Variants in VIT observed in about 807,000 individuals in gnomAD.
VIT encodes the protein vitrin.
A neutral mutation model predicts 78.0 loss-of-function variants in VIT; 99 were observed. That is an observed-to-expected ratio of 1.27 (90% CI 1.08 to 1.50). The LOEUF (loss-of-function observed/expected upper bound fraction) is 1.50. Among genes scored for constraint, VIT ranks in the 40% most tolerant of loss-of-function variants. VIT has a pLI of 0.00. For synonymous variants in VIT, 374 were observed against 334.3 expected (o/e 1.12, Z -1.29); for missense variants, 1,126 against 875.3 (o/e 1.29, Z -3.61).
intron 3 of VIT, among the ~76,000 whole-genome samples, chr2:36,732,197 G>C (rs932241174): frequency 6.6e-6 from 1 of 152,180 alleles, no homozygotes; most frequent in Non-Finnish European, 1.5e-5. Context: ...ATCACGAAAG[G>C]TTCCATGATT....
At position 36,722,119 on chromosome 2, in the gene VIT, T is replaced by C. The variant is rs1297763948; in HGVS notation, c.52+5697T>C. Among the ~76,000 whole-genome samples the C allele has an allele frequency of 2.0e-5, 3 of 152,380 alleles. No homozygotes were observed. In the South Asian group the frequency reaches 6.2e-4, roughly 32 times the overall value. ...CTCTAAATTAATGTCAATTAAGTGT[T>C]TAATGTGTTTAATTAATATATTTAA... is the stretch of plus-strand genomic sequence containing the variant. On this transcript the variant is annotated intron_variant, in intron 2 of 15. Coordinates refer to ENST00000379242, the MANE Select transcript of VIT (RefSeq NM_053276.4).
chr2:36,806,615 C>T (rs977646505), intron 14 of VIT, among the ~76,000 whole-genome samples: 3 of 152,188 alleles, frequency 2.0e-5, no homozygotes, highest in African/African-American at 4.8e-5. Flanking sequence ...GGCGCGATCT[C>T]GGCTCACTGC....
intron 6 of VIT, among the ~76,000 whole-genome samples, chr2:36,763,117 C>A (rs1669219853): frequency 6.6e-6 from 1 of 152,210 alleles, no homozygotes; most frequent in Non-Finnish European, 1.5e-5. Context: ...CCTCTTCTGC[C>A]TTCCCTGGCT....
At chr2:36,752,182 T>C (rs1462506989) in intron 4 of VIT, among the ~76,000 whole-genome samples, 1 of 152,192 alleles carries the variant, frequency 6.6e-6, no homozygotes, top group Non-Finnish European at 1.5e-5. Flanking sequence ...ATTTGAGGCA[T>C]CATATTTTGG....
rs201460204 is a variant in VIT at position 36,808,750 on chromosome 2, C to G, written c.1668C>G (p.Tyr556Ter). ...GCATCGGGGCCGTGCAGTACACCTACGAACAGCGGCTGGAGTTTGGGTTCG... is the reference window on the plus strand; with the variant it reads ...GCATCGGGGCCGTGCAGTACACCTAGGAACAGCGGCTGGAGTTTGGGTTCG... ...DTRIGAVQYT[Y>*]EQRLEFGFDK... The change falls in exon 15 of 16, where the codon TAC (tyrosine) becomes TAG (stop). Residue 556 changes from tyrosine to a stop codon, truncating the protein, a stop_gained. Transcript: ENST00000379242. LOFTEE classifies it high-confidence loss of function. The G allele has an allele frequency of 6.2e-7, 1 of 1,614,108 alleles. No homozygotes were observed. The highest frequency in any genetic ancestry group is 8.5e-7 in the Non-Finnish European group (1 of 1,179,950).
At position 36,781,714 on chromosome 2, in the gene VIT, T is replaced by C. The variant is rs1664768807; in HGVS notation, c.803-13T>C. Reference sequence around the variant, plus strand: ...AAGTAACAAGTTTGTTTCTTTTCAATTTTGAAAATCAGGAGAGATGGACTC... The same window carrying C: ...AAGTAACAAGTTTGTTTCTTTTCAACTTTGAAAATCAGGAGAGATGGACTC... On this transcript the variant is annotated splice_polypyrimidine_tract_variant and intron_variant, in intron 9 of 15. Transcript: ENST00000379242. 1.9e-6 allele frequency: 3 copies of C among 1,613,980 alleles called. No individual in the cohort carries two copies. The highest frequency in any genetic ancestry group is 1.7e-5 in the Admixed American group (1 of 59,986).
intron 12 of VIT, among the ~76,000 whole-genome samples, chr2:36,792,069 A>T (rs866466903): frequency 9.2e-5 from 14 of 152,276 alleles, no homozygotes; most frequent in African/African-American, 3.1e-4. Flanking sequence ...TCACGTTGGC[A>T]TTACCTGGGG....
chr2:36,763,799 G>C (rs1478174294), intron 6 of VIT, among the ~76,000 whole-genome samples: 1 of 152,042 alleles, frequency 6.6e-6, no homozygotes, highest in Non-Finnish European at 1.5e-5. Flanking sequence ...ATGTTGGTCA[G>C]GCTGGTCTCA....
intron 3 of VIT, among the ~76,000 whole-genome samples, chr2:36,736,576 A>T (rs1667520940): frequency 6.6e-6 from 1 of 152,226 alleles, no homozygotes; most frequent in African/African-American, 2.4e-5. Context: ...GTCAGGTGAG[A>T]TCACATTATG....
intron 4 of VIT, among the ~76,000 whole-genome samples, chr2:36,748,766 C>G (rs933293578): frequency 6.6e-6 from 1 of 152,240 alleles, no homozygotes; most frequent in Admixed American, 6.5e-5. Flanking sequence ...TGGCACTCAG[C>G]AACTTCGTGC....
At chr2:36,799,576 G>C (rs72867896) in intron 12 of VIT, among the ~76,000 whole-genome samples, 11,831 of 152,102 alleles carry the variant, frequency 0.078, 693 homozygotes, top group East Asian at 0.18. Flanking sequence ...AAATTTGCTG[G>C]GTGTGGTGGC....
At chr2:36,776,728 G>A (rs974506892) in intron 9 of VIT, among the ~76,000 whole-genome samples, 4 of 151,906 alleles carry the variant, frequency 2.6e-5, no homozygotes, top group Admixed American at 1.3e-4. Flanking sequence ...CTGGGAGGCC[G>A]AGGGTGCAGT....
rs1177800655 is a variant in VIT, at chr2:36,754,945, G to A, written c.300G>A (p.Gly100=). 1.9e-5 allele frequency: 30 copies of A among 1,614,034 alleles called. No homozygotes were observed. The highest frequency in any genetic ancestry group is 2.5e-5 in the Non-Finnish European group (30 of 1,179,972). Reference sequence around the variant, plus strand: ...GTGGTGTGCTTGATAATTCAGGAGGGAAAATACTTGTTCGGAAGGTTGCTG... The same window carrying A: ...GTGGTGTGCTTGATAATTCAGGAGGAAAAATACTTGTTCGGAAGGTTGCTG... ...VHSGVLDNSG[G]KILVRKVAGQ... is the part of the protein sequence containing the mutation. Residue 100 remains glycine, a synonymous_variant, in exon 5 of 16, where the codon GGG becomes GGA. Transcript: ENST00000379242.
Position 36,773,845 on chromosome 2 carries a change from C to G in VIT, c.734C>G (p.Pro245Arg), listed in dbSNP as rs137902057. Reference sequence around the variant, plus strand: ...AGCCAAAACAGGCCCAGAGCTGATCCAGGTAAGACCTTAAACTCCCTTTCC... The same window carrying G: ...AGCCAAAACAGGCCCAGAGCTGATCGAGGTAAGACCTTAAACTCCCTTTCC... ...TSSQNRPRAD[P>R]GIQRQDPSGA... is the part of the protein sequence containing the mutation. The change falls in exon 8 of 16, where the codon CCA (proline) becomes CGA (arginine). Residue 245 changes from proline to arginine, a missense_variant and splice_region_variant. Physicochemically the swap from Pro to Arg is moderately radical, Grantham distance 103. Transcript: ENST00000379242. 14 of 1,594,820 alleles carry G rather than the reference C, an allele frequency of 8.8e-6. No homozygotes were observed. In the South Asian group the frequency reaches 1.6e-4, roughly 18 times the overall value.
intron 7 of VIT, among the ~76,000 whole-genome samples, chr2:36,767,704 C>A (rs1306124908): frequency 6.6e-6 from 1 of 152,152 alleles, no homozygotes; most frequent in Non-Finnish European, 1.5e-5. Context: ...TGTTCCTTTT[C>A]TGATGGTTTT....
At chr2:36,746,455 G>T (rs937393814) in intron 4 of VIT, among the ~76,000 whole-genome samples, 1 of 151,828 alleles carries the variant, frequency 6.6e-6, no homozygotes, top group Non-Finnish European at 1.5e-5. Context: ...TGGTTAGTAG[G>T]TTTTTTATTA....
chr2:36,767,608 A>G (rs1669513325), intron 7 of VIT, among the ~76,000 whole-genome samples: 1 of 152,236 alleles, frequency 6.6e-6, no homozygotes, highest in Non-Finnish European at 1.5e-5. Flanking sequence ...TTTTTAAGTG[A>G]CAAATGGTAC....
chr2:36,739,004 A>C (rs904945023), intron 3 of VIT, among the ~76,000 whole-genome samples: 1 of 152,178 alleles, frequency 6.6e-6, no homozygotes, highest in African/African-American at 2.4e-5. Context: ...AGAACAATGC[A>C]TTCATCTTCA....
chr2:36,792,808 G>C (rs1665597562), intron 12 of VIT, among the ~76,000 whole-genome samples: 1 of 152,174 alleles, frequency 6.6e-6, no homozygotes, highest in Non-Finnish European at 1.5e-5. Flanking sequence ...GGCTGGGGGA[G>C]CTCCACCCTC....
Sources: gnomAD v4.1 joint callset for allele counts (sites outside exome capture counted in the v4.1 genomes callset) on GRCh38, gnomAD v4.1.1 for gene constraint, MANE v1.5 for transcripts, NCBI Gene and HGNC (gene_info 2026-07-23, HGNC 2026-07-21) for gene names.